PEPD: variants seen among roughly 807,000 people sequenced by gnomAD.
PEPD encodes the protein xaa-Pro dipeptidase.
PEPD carries 53 observed loss-of-function variants against 60.7 expected under a neutral mutation model. That is an observed-to-expected ratio of 0.87 (90% CI 0.70 to 1.10). The LOEUF is 1.10. Ranked by LOEUF, PEPD falls within the 50% of genes least tolerant of loss-of-function variation. The pLI is 0.00. For synonymous variants in PEPD, 267 were observed against 284.1 expected, an observed-to-expected ratio of 0.94 and a Z score of 0.60; for missense variants, 711 against 711.9, an observed-to-expected ratio of 1.00 and a Z score of 0.01.
At chr19:33,459,315 A>G in intron 9 of PEPD, among the ~76,000 whole-genome samples, 1 of 152,202 alleles carries the variant, frequency 6.6e-6, no homozygotes. Context: ...TCAAGGTCTC[A>G]GGCTGTCATA....
intron 9 of PEPD, among the ~76,000 whole-genome samples, chr19:33,454,156 G>A (rs954424622): frequency 6.6e-6 from 1 of 152,172 alleles, no homozygotes; most frequent in African/African-American, 2.4e-5. Flanking sequence ...CAGAAAGGAA[G>A]GGAATGCTCC....
rs1024238626 is a variant in PEPD, at chr19:33,513,170, C to T, written c.18-394G>A. Among the ~76,000 whole-genome samples the T allele has an allele frequency of 5.3e-5, 8 of 152,282 alleles. No homozygotes were observed. The Middle Eastern group carries it at 0.01, about 194-fold the overall frequency. On this transcript the variant is annotated intron_variant, in intron 1 of 14. Coordinates refer to ENST00000244137, the MANE Select transcript of PEPD (RefSeq NM_000285.4). Reference sequence around the variant, plus strand: ...CTTCTCCAACAGCAGCCGGTCCAGGCTCCCTACCAGGCAGGCCCCTGGCTC... The same window carrying T: ...CTTCTCCAACAGCAGCCGGTCCAGGTTCCCTACCAGGCAGGCCCCTGGCTC...
chr19:33,510,071 C>T (rs536674014), intron 3 of PEPD, among the ~76,000 whole-genome samples: 1 of 152,354 alleles, frequency 6.6e-6, no homozygotes, highest in South Asian at 2.1e-4. Flanking sequence ...CCATGCCACA[C>T]CTGTCGATGC....
intron 1 of PEPD, among the ~76,000 whole-genome samples, chr19:33,518,215 T>G (rs1308055586): frequency 6.6e-6 from 1 of 152,060 alleles, no homozygotes; most frequent in Non-Finnish European, 1.5e-5. Context: ...CTGGGGCGGA[T>G]AGGGGTGCCA....
At chr19:33,453,313 T>TAAAA (rs767526615) in intron 9 of PEPD, among the ~76,000 whole-genome samples, 20 of 149,232 alleles carry the variant, frequency 1.3e-4, no homozygotes, top group Admixed American at 1.3e-4. Flanking sequence ...AACACTGTCA[T>TAAAA]AAAAAAATAA....
At chr19:33,491,517 G>A (rs1970500704) in intron 5 of PEPD, among the ~76,000 whole-genome samples, 1 of 152,106 alleles carries the variant, frequency 6.6e-6, no homozygotes, top group African/African-American at 2.4e-5. Flanking sequence ...ATTTAGTAAG[G>A]CCATTTTCAC....
chr19:33,503,344 CG>C (rs1411482578), intron 3 of PEPD, among the ~76,000 whole-genome samples: 1 of 152,184 alleles, frequency 6.6e-6, no homozygotes, highest in Admixed American at 6.5e-5. Flanking sequence ...GAAATGATCA[CG>C]GGGTATCAAG....
intron 9 of PEPD, among the ~76,000 whole-genome samples, chr19:33,442,393 TGA>T (rs1969495588): frequency 7.9e-6 from 1 of 126,948 alleles, no homozygotes; most frequent in African/African-American, 3.2e-5. Flanking sequence ...GGTGACAGAG[TGA>T]GACTCTGTCT....
At chr19:33,405,426 C>T (rs138372224) in intron 11 of PEPD, among the ~76,000 whole-genome samples, 3 of 152,378 alleles carry the variant, frequency 2.0e-5, no homozygotes, top group East Asian at 1.9e-4. Context: ...AGTTTACACG[C>T]GCTCATATTC....
chr19:33,406,565 G>A (rs1212660539), intron 11 of PEPD, among the ~76,000 whole-genome samples: 1 of 152,206 alleles, frequency 6.6e-6, no homozygotes, highest in African/African-American at 2.4e-5. Flanking sequence ...GGGAGAGCTG[G>A]GCTGGGACAG....
At chr19:33,451,264 C>T (rs957555466) in intron 9 of PEPD, among the ~76,000 whole-genome samples, 9 of 152,174 alleles carry the variant, frequency 5.9e-5, no homozygotes, top group Admixed American at 4.6e-4. Flanking sequence ...GCTTGCCTGC[C>T]TTGCATCAAA....
chr19:33,521,742 A>C lies in PEPD; in HGVS notation c.17+2T>G, dbSNP rs1343296636. On this transcript the variant is annotated splice_donor_variant, in intron 1 of 14. Coordinates refer to ENST00000244137, the MANE Select transcript of PEPD (RefSeq NM_000285.4). LOFTEE classifies it high-confidence loss of function. Reference sequence around the variant, plus strand: ...AAAGAGCGAGGGAGGCGCAGCACTCACCCGGTGGCCGCCGCCATGTTCGCC... The same window carrying C: ...AAAGAGCGAGGGAGGCGCAGCACTCCCCCGGTGGCCGCCGCCATGTTCGCC... 1 of 1,573,260 alleles carries C rather than the reference A, an allele frequency of 6.4e-7. No homozygotes were observed. The highest frequency in any genetic ancestry group is 8.6e-7 in the Non-Finnish European group (1 of 1,165,014).
chr19:33,401,774 A>ACGG lies in PEPD; in HGVS notation c.911_913dup (p.Ala304dup), dbSNP rs185359328. 2 of 1,611,868 alleles carry ACGG rather than the reference A, an allele frequency of 1.2e-6. No individual in the cohort carries two copies. Among genetic ancestry groups the ACGG allele is most frequent in the South Asian group, 2.2e-5 (2 of 90,766 alleles). ...GGAGCTCCGCAGCACTGCCTCATAG[A>ACGG]CGGCCTTCTGGTCTGCAGTGAACTT... On this transcript the variant is annotated inframe_insertion, in exon 12 of 15. Coordinates refer to ENST00000244137, the MANE Select transcript of PEPD (RefSeq NM_000285.4).
rs369204266 is a variant in PEPD, at chr19:33,494,093, G to C, written c.394-756C>G. Among the ~76,000 whole-genome samples the C allele has an allele frequency of 1.6e-4, 24 of 152,162 alleles. No homozygotes were observed. The East Asian group carries it at 2.7e-3, about 17-fold the overall frequency. On this transcript the variant is annotated intron_variant, in intron 4 of 14. Coordinates refer to ENST00000244137, the MANE Select transcript of PEPD (RefSeq NM_000285.4). ...CCCACTGACAGTCACCATTCCCCCA[G>C]CAAAGTGCCATGTGCCAACCAGCCT...
chr19:33,418,871 C>T (rs866779466), intron 9 of PEPD, among the ~76,000 whole-genome samples: 1 of 152,208 alleles, frequency 6.6e-6, no homozygotes, highest in Non-Finnish European at 1.5e-5. Flanking sequence ...AAGGGACTGA[C>T]CTGAAGCCTC....
intron 4 of PEPD, among the ~76,000 whole-genome samples, chr19:33,495,975 C>T (rs1454167029): frequency 6.6e-6 from 1 of 151,016 alleles, no homozygotes; most frequent in African/African-American, 2.4e-5. Context: ...GAATGCAACT[C>T]AGTATCAAAA....
intron 6 of PEPD, chr19:33,487,451 G>A (rs1251539480): frequency 2.0e-5 from 3 of 152,378 alleles, no homozygotes; most frequent in Non-Finnish European, 2.9e-5. Context: ...GCCCCCTGCA[G>A]GGGACAAGGA....
At chr19:33,505,166 G>C (rs970224685) in intron 3 of PEPD, among the ~76,000 whole-genome samples, 2 of 152,174 alleles carry the variant, frequency 1.3e-5, no homozygotes, top group East Asian at 3.9e-4. Flanking sequence ...ATAAGTAACA[G>C]GGCCAAATTA....
intron 3 of PEPD, among the ~76,000 whole-genome samples, chr19:33,508,029 C>A (rs191501784): frequency 6.6e-6 from 1 of 152,024 alleles, no homozygotes; most frequent in South Asian, 2.1e-4. Flanking sequence ...ACAGGGGAGA[C>A]CCCTGTTGGA....
Sources: allele counts gnomAD v4.1 joint callset (sites outside exome capture counted in the v4.1 genomes callset), GRCh38; gene constraint gnomAD v4.1.1; transcripts MANE v1.5; gene names NCBI Gene and HGNC (gene_info 2026-07-23, HGNC 2026-07-21).